The following GPLD1 variants were observed in gnomAD, a reference collection of about 807,000 sequenced individuals.
The protein encoded by GPLD1 is glycosylphosphatidylinositol specific phospholipase D1, also known as phosphatidylinositol-glycan-specific phospholipase D.
GPLD1 carries 84 observed loss-of-function variants against 112.6 expected under a neutral mutation model. The observed-to-expected ratio is 0.75, with a 90% CI of 0.63 to 0.89. The LOEUF (loss-of-function observed/expected upper bound fraction) is 0.89, where lower values mean the gene tolerates loss of function less well. GPLD1 is among the 40% of genes least tolerant of loss of function. The pLI, the probability that GPLD1 is intolerant of heterozygous loss-of-function variation, is 0.00. For missense variants in GPLD1, 1,044 were observed against 1,051.5 expected, an observed-to-expected ratio of 0.99 and a Z score of 0.10; for synonymous variants, 386 against 403.8, an observed-to-expected ratio of 0.96 and a Z score of 0.53.
At chr6:24,448,908 G>A (rs1762994944) in intron 15 of GPLD1, among the ~76,000 whole-genome samples, 1 of 151,978 alleles carries the variant, frequency 6.6e-6, no homozygotes. Flanking sequence ...TCATAAGCCA[G>A]GTACTAGGTA....
At chr6:24,469,778 T>TA (rs34088941) in intron 7 of GPLD1, among the ~76,000 whole-genome samples, 47,503 of 148,740 alleles carry the variant, frequency 0.32, 9,095 homozygotes, top group Non-Finnish European at 0.44. Flanking sequence ...TAAAGTATAA[T>TA]AAAAAAAAAA....
Position 24,464,112 on chromosome 6 carries a change from C to CT in GPLD1, c.822-1318dup, listed in dbSNP as rs200097172. 8.6e-4 allele frequency among the ~76,000 whole-genome samples: 131 copies of CT among 152,252 alleles called. 2 individuals carry two copies. In the East Asian group the frequency reaches 0.025, roughly 28 times the overall value. On this transcript the variant is annotated intron_variant, in intron 10 of 24. Coordinates refer to ENST00000230036, the MANE Select transcript of GPLD1 (RefSeq NM_001503.4). ...TGCAGGTCAATCACTCAAACATGCC[C>CT]TTATGTTATGAGTCCTTCCAATACA...
intron 10 of GPLD1, among the ~76,000 whole-genome samples, chr6:24,466,216 G>A (rs1458469095): frequency 1.3e-5 from 2 of 152,230 alleles, no homozygotes; most frequent in African/African-American, 4.8e-5. Flanking sequence ...GGATGGTGGT[G>A]CACACCTGTA....
chr6:24,465,879 C>G (rs1466698218), intron 10 of GPLD1, among the ~76,000 whole-genome samples: 1 of 152,192 alleles, frequency 6.6e-6, no homozygotes, highest in African/African-American at 2.4e-5. Context: ...GGGCATGTAG[C>G]TATAGCTCTA....
intron 2 of GPLD1, among the ~76,000 whole-genome samples, chr6:24,483,960 G>T (rs1764286695): frequency 6.6e-6 from 1 of 152,064 alleles, no homozygotes; most frequent in African/African-American, 2.4e-5. Context: ...TCCCAGGCTG[G>T]AATGGAGCGC....
chr6:24,447,159 A>T (rs1166639747), intron 17 of GPLD1, among the ~76,000 whole-genome samples, 180 bp from the exon 18 acceptor site: 8 of 152,116 alleles, frequency 5.3e-5, no homozygotes, highest in African/African-American at 1.9e-4. Context: ...CTCACTCTTC[A>T]TACAAGAAAT....
At chr6:24,424,961 A>G (rs1762180069), downstream of GPLD1, 1 of 152,192 alleles carries the variant, frequency 6.6e-6, no homozygotes, top group Non-Finnish European at 1.5e-5. Context: ...GTGTGTGGTC[A>G]TGGGAAGCCA....
Position 24,433,208 on chromosome 6 carries a change from G to A in GPLD1, c.2415C>T (p.Ile805=), listed in dbSNP as rs1762460653. Residue 805 remains isoleucine (I), a synonymous_variant, in exon 24 of 25, where the codon ATC becomes ATT. Coordinates refer to ENST00000230036, the MANE Select transcript of GPLD1 (RefSeq NM_001503.4). The part of the protein sequence containing the change: ...EASSRFGSSL[I]TVRSKAKNQV... ...TCACCTTTGCCTTGGACCTCACGGT[G>A]ATGAGGGAGCTCCCAAACCTTGAGC... 1 of 1,612,126 alleles carries A rather than the reference G, an allele frequency of 6.2e-7. No individual in the cohort carries two copies. Among genetic ancestry groups the A allele is most frequent in the Non-Finnish European group, 8.5e-7 (1 of 1,178,126 alleles).
intron 14 of GPLD1, among the ~76,000 whole-genome samples, chr6:24,453,076 C>T (rs769151147): frequency 3.9e-5 from 6 of 152,008 alleles, no homozygotes; most frequent in Non-Finnish European, 8.8e-5. Flanking sequence ...TTTCCAGGAC[C>T]CTAGCGCTCT....
At chr6:24,473,355 TAAGTA>T (rs1303072903) in intron 6 of GPLD1, 1 of 278,102 alleles carries the variant, frequency 3.6e-6, no homozygotes, top group Non-Finnish European at 6.8e-6. Flanking sequence ...ACCCAATGTA[TAAGTA>T]AAGTTTTTCT....
intron 2 of GPLD1, among the ~76,000 whole-genome samples, chr6:24,483,269 A>G (rs1764262526): frequency 6.6e-6 from 1 of 151,784 alleles, no homozygotes; most frequent in Admixed American, 6.6e-5. Context: ...TGGAGGTTGC[A>G]GTGAGCTGAG....
At chr6:24,488,370 C>A (rs1023385929) in intron 1 of GPLD1, among the ~76,000 whole-genome samples, 1 of 151,872 alleles carries the variant, frequency 6.6e-6, no homozygotes, top group Non-Finnish European at 1.5e-5. Context: ...CGAGATTGCG[C>A]CACTGCACTC....
At position 24,445,620 on chromosome 6, in the gene GPLD1, G is replaced by C; in HGVS notation, c.1946C>G (p.Thr649Ser). 6.2e-7 allele frequency: 1 copy of C among 1,613,628 alleles called. No individual in the cohort carries two copies. Among genetic ancestry groups the C allele is most frequent in the Non-Finnish European group, 8.5e-7 (1 of 1,179,558 alleles). The change falls in exon 20 of 25, where the codon ACT becomes AGT. Residue 649 changes from threonine (T) to serine (S), a missense_variant. Coordinates refer to ENST00000230036, the MANE Select transcript of GPLD1 (RefSeq NM_001503.4). ...CAGTACGTGGCCACTGGAAAGGGAA[G>C]TACCCAGTTTCCCCATTGCCTGTGA... ...SGDKAMGKLG[T>S]SLSSGHVLMN...
intron 22 of GPLD1, chr6:24,435,849 T>TAAAAAAAAAAAAAAAAAAAA (rs1554129001): frequency 8.3e-5 from 7 of 83,922 alleles, no homozygotes; most frequent in Non-Finnish European, 1.3e-4. Context: ...AAAAAAAAAG[T>TAAAAAAAAAAAAAAAAAAAA]TAAATAATGG....
intron 14 of GPLD1, among the ~76,000 whole-genome samples, chr6:24,453,807 T>C (rs1379900019): frequency 6.6e-6 from 1 of 152,046 alleles, no homozygotes; most frequent in East Asian, 1.9e-4. Flanking sequence ...ATAGCATGTG[T>C]GTTTTTGGAA....
At chr6:24,433,819 C>G (rs1298480680) in intron 22 of GPLD1, among the ~76,000 whole-genome samples, 16 of 152,008 alleles carry the variant, frequency 1.1e-4, no homozygotes, top group Admixed American at 1.1e-3. Flanking sequence ...CTTGATTAGC[C>G]TTACAAATGT....
intron 20 of GPLD1, among the ~76,000 whole-genome samples, chr6:24,443,457 T>C (rs1459949359): frequency 6.6e-6 from 1 of 152,168 alleles, no homozygotes; most frequent in South Asian, 2.1e-4. Flanking sequence ...GGGTGGCAAA[T>C]GCAGTTTGTC....
At chr6:24,446,617 G>C (rs1188803919) in intron 18 of GPLD1, among the ~76,000 whole-genome samples, 1 of 152,196 alleles carries the variant, frequency 6.6e-6, no homozygotes, top group Non-Finnish European at 1.5e-5. Flanking sequence ...CCTTGATCTT[G>C]GACGTCTAGC....
chr6:24,480,548 C>T (rs114216072), intron 2 of GPLD1, among the ~76,000 whole-genome samples: 2,171 of 152,300 alleles, frequency 0.014, 27 homozygotes, highest in Non-Finnish European at 0.022. Flanking sequence ...AACGGACACA[C>T]AAACGCACGT....
Sources: allele counts gnomAD v4.1 joint callset (sites outside exome capture counted in the v4.1 genomes callset), GRCh38; gene constraint gnomAD v4.1.1; transcripts MANE v1.5; gene names NCBI Gene and HGNC (gene_info 2026-07-23, HGNC 2026-07-21).